Variants in TMEM131L observed in about 807,000 individuals in gnomAD.
TMEM131L encodes the protein transmembrane 131 like, also known as transmembrane protein 131-like.
In TMEM131L, 54 loss-of-function variants were observed where a neutral mutation model predicts 192.2. The observed-to-expected ratio is 0.28, with a 90% CI of 0.23 to 0.35. TMEM131L has a LOEUF of 0.35. Among genes scored for constraint, TMEM131L ranks in the 10% least tolerant of loss-of-function variants. The probability of loss-of-function intolerance (pLI) is 1.00; values close to 1 mark genes in which losing one functional copy is unlikely to be tolerated. For synonymous variants in TMEM131L, 701 were observed against 704.9 expected, an observed-to-expected ratio of 0.99 and a Z score of 0.09; for missense variants, 1,888 against 1,972.9, an observed-to-expected ratio of 0.96 and a Z score of 0.82.
At chr4:153,499,715 G>A (rs986418414) in intron 3 of TMEM131L, among the ~76,000 whole-genome samples, 2 of 152,150 alleles carry the variant, frequency 1.3e-5, no homozygotes, top group Admixed American at 6.5e-5. Context: ...GTGAACCGCC[G>A]TGCCCAGCCC....
At chr4:153,612,124 T>C in intron 25 of TMEM131L, 128 bp from the exon 26 acceptor site, 1 of 586,520 alleles carries the variant, frequency 1.7e-6, no homozygotes, top group Non-Finnish European at 2.8e-6. Context: ...GCATCATGGA[T>C]GTTAAAAACA....
chr4:153,531,821 T>G (rs1209987496), intron 3 of TMEM131L, among the ~76,000 whole-genome samples: 2 of 152,222 alleles, frequency 1.3e-5, no homozygotes, highest in Admixed American at 6.5e-5. Context: ...TGCTGAGCTC[T>G]GGAAGCCAGG....
intron 32 of TMEM131L, chr4:153,633,390 ATTTTTTTT>A (rs11292431): frequency 2.7e-5 from 3 of 111,390 alleles, no homozygotes; most frequent in Admixed American, 1.9e-4. Context: ...CTAATTTTTA[ATTTTTTTT>A]TTTTTTTTTT....
chr4:153,550,473 C>G (rs1467718509), intron 4 of TMEM131L, among the ~76,000 whole-genome samples: 1 of 152,136 alleles, frequency 6.6e-6, no homozygotes, highest in East Asian at 1.9e-4. Context: ...ACTACAGGCA[C>G]CCGCCACCAC....
At chr4:153,504,299 G>A (rs1733829848) in intron 3 of TMEM131L, among the ~76,000 whole-genome samples, 2 of 55,542 alleles carry the variant, frequency 3.6e-5, no homozygotes, top group African/African-American at 1.4e-4. Flanking sequence ...TTTTTTTTTG[G>A]AGACAGAGTC....
At chr4:153,531,053 T>G (rs548249449) in intron 3 of TMEM131L, among the ~76,000 whole-genome samples, 2 of 152,232 alleles carry the variant, frequency 1.3e-5, no homozygotes, top group African/African-American at 4.8e-5. Flanking sequence ...TGAGCTGCAT[T>G]GGAAACAGAA....
At chr4:153,485,344 A>G (rs1446936477) in intron 3 of TMEM131L, among the ~76,000 whole-genome samples, 1 of 152,074 alleles carries the variant, frequency 6.6e-6, no homozygotes, top group African/African-American at 2.4e-5. Context: ...TTGTTCAGGT[A>G]TTTTATTTGG....
chr4:153,474,575 A>T (rs1731392606), intron 3 of TMEM131L, among the ~76,000 whole-genome samples: 1 of 152,128 alleles, frequency 6.6e-6, no homozygotes. Flanking sequence ...GTGTGGTGTG[A>T]ATTGTTAAAG....
At chr4:153,490,953 C>CAAAA (rs3040164) in intron 3 of TMEM131L, among the ~76,000 whole-genome samples, 18 of 81,918 alleles carry the variant, frequency 2.2e-4, no homozygotes, top group Non-Finnish European at 3.2e-4. Context: ...GACTCTGTCT[C>CAAAA]AAAAAAAAAA....
Position 153,555,112 on chromosome 4 carries a change from C to G in TMEM131L, c.309-675C>G, listed in dbSNP as rs543374179. The stretch of plus-strand genomic sequence containing the variant: ...TTTCATCAGAGTTTTTGGAAAGGCT[C>G]ATAATTTAAATGGATGAGAACCTCT... On this transcript the variant is annotated intron_variant, in intron 4 of 34. Coordinates refer to ENST00000409959, the MANE Select transcript of TMEM131L (RefSeq NM_001131007.2). This position sits in a 1 kb window ranked among gnomAD's most constrained non-coding sequence, Gnocchi z 4.1. Among the ~76,000 whole-genome samples the G allele has an allele frequency of 2.1e-4, 32 of 152,240 alleles. No homozygotes were observed. Among genetic ancestry groups the G allele is most frequent in the African/African-American group, 7.0e-4 (29 of 41,538 alleles).
In TMEM131L at chr4:153,596,293, C is replaced by G. The variant is rs149009699; in HGVS notation, c.2031C>G (p.Leu677=). 118 of 1,613,980 alleles carry G rather than the reference C, an allele frequency of 7.3e-5. No homozygotes were observed. The African/African-American group carries it at 1.5e-3, about 21-fold the overall frequency. The change falls in exon 20 of 35, where the codon CTC becomes CTG. Residue 677 remains leucine (L), a synonymous_variant. Transcript: ENST00000409959. The part of the protein sequence containing the change: ...THSEESRFGI[L]HLHLQPLEMK... ...CTGAGGAATCCAGGTTTGGCATCCT[C>G]CACTTACATCTGCAGCCTTTGGAAA...
intron 29 of TMEM131L, among the ~76,000 whole-genome samples, chr4:153,624,211 C>T (rs1024390303): frequency 1.9e-4 from 28 of 150,932 alleles, no homozygotes; most frequent in African/African-American, 5.8e-4. Flanking sequence ...CTCCGCCTCT[C>T]GGTTTTAAGC....
intron 2 of TMEM131L, 85 bp downstream of exon 2, chr4:153,467,366 C>T (rs1434245650): frequency 8.3e-7 from 1 of 1,200,460 alleles, no homozygotes; most frequent in African/African-American, 1.5e-5. Context: ...ACCCCCTGTC[C>T]AAGCGGCACA....
chr4:153,633,615 T>C (rs1006922106), intron 32 of TMEM131L, among the ~76,000 whole-genome samples: 1 of 152,224 alleles, frequency 6.6e-6, no homozygotes. Flanking sequence ...TATTTGACAT[T>C]AATATGTCAT....
intron 3 of TMEM131L, among the ~76,000 whole-genome samples, chr4:153,489,977 A>T (rs1184402980): frequency 6.6e-6 from 1 of 151,504 alleles, no homozygotes; most frequent in African/African-American, 2.4e-5. Context: ...TAATTTAGCA[A>T]ATGAATACGA....
intron 3 of TMEM131L, among the ~76,000 whole-genome samples, chr4:153,527,216 A>G (rs550642914): frequency 6.6e-6 from 1 of 152,102 alleles, no homozygotes; most frequent in South Asian, 2.1e-4. Flanking sequence ...GGGGGAGGTG[A>G]AAGTAATTTT....
rs190798288 is a variant in TMEM131L, at chr4:153,488,134, C to T, written c.239+14246C>T. 1.1e-4 allele frequency among the ~76,000 whole-genome samples: 16 copies of T among 143,620 alleles called. No individual in the cohort carries two copies. In the East Asian group the frequency reaches 2.4e-3, roughly 21 times the overall value. 94.2% of individuals were successfully genotyped at this position (143,620 alleles called of 152,430 possible). ...GTGTGTGTGAGAGAGAGACCGAGAC[C>T]GTTGTGGGTTTGTGGCTGAGTTTTG... is the stretch of plus-strand genomic sequence containing the variant. On this transcript the variant is annotated intron_variant, in intron 3 of 34. Coordinates refer to ENST00000409959, the MANE Select transcript of TMEM131L (RefSeq NM_001131007.2).
chr4:153,514,260 TTG>T (rs1296492760), intron 3 of TMEM131L, among the ~76,000 whole-genome samples: 1 of 152,102 alleles, frequency 6.6e-6, no homozygotes, highest in Non-Finnish European at 1.5e-5. Flanking sequence ...ATAAAGATCA[TTG>T]TGTGAGGTCT....
chr4:153,519,609 A>G (rs1253987342), intron 3 of TMEM131L, among the ~76,000 whole-genome samples: 2 of 152,234 alleles, frequency 1.3e-5, no homozygotes, highest in Non-Finnish European at 2.9e-5. Flanking sequence ...TTGGGTTTAC[A>G]TAGGAAGGAA....
Sources: allele counts gnomAD v4.1 joint callset (sites outside exome capture counted in the v4.1 genomes callset), GRCh38; gene constraint gnomAD v4.1.1; non-coding constraint Gnocchi (gnomAD v3.1); transcripts MANE v1.5; gene names NCBI Gene and HGNC (gene_info 2026-07-23, HGNC 2026-07-21).